Variants in ARHGAP15 observed in about 807,000 individuals in gnomAD.
ARHGAP15 encodes Rho GTPase activating protein 15, also known as rho GTPase-activating protein 15.
A neutral mutation model predicts 63.7 loss-of-function variants in ARHGAP15; 51 were observed. The observed-to-expected ratio is 0.80, with a 90% CI of 0.64 to 1.01. ARHGAP15 has a LOEUF of 1.01. Ranked by LOEUF, ARHGAP15 falls within the 50% of genes least tolerant of loss-of-function variation. The pLI is 0.00. For synonymous variants in ARHGAP15, 191 were observed against 193.8 expected (o/e 0.99, Z 0.12); for missense variants, 560 against 564.6 (o/e 0.99, Z 0.08).
chr2:143,348,283 C>A (rs1685389905), intron 6 of ARHGAP15, among the ~76,000 whole-genome samples: 1 of 152,126 alleles, frequency 6.6e-6, no homozygotes. Context: ...ATAGTTAATT[C>A]ATGCAGAGTA....
intron 6 of ARHGAP15, among the ~76,000 whole-genome samples, chr2:143,305,085 A>G (rs1227722376): frequency 6.6e-6 from 1 of 152,124 alleles, no homozygotes; most frequent in Non-Finnish European, 1.5e-5. Context: ...CCCAAATGCC[A>G]TCAATGATAG....
intron 6 of ARHGAP15, among the ~76,000 whole-genome samples, chr2:143,307,077 C>T (rs992645947): frequency 2.0e-5 from 3 of 152,020 alleles, no homozygotes; most frequent in South Asian, 2.1e-4. Flanking sequence ...GTCCCAAGTC[C>T]CATACACTTT....
At chr2:143,700,345 G>C (rs1684030072) in intron 12 of ARHGAP15, among the ~76,000 whole-genome samples, 1 of 152,108 alleles carries the variant, frequency 6.6e-6, no homozygotes, top group Admixed American at 6.6e-5. Flanking sequence ...ACCCTGACTG[G>C]ATCATGTTCC....
chr2:143,218,155 T>C (rs1692831472), intron 4 of ARHGAP15, among the ~76,000 whole-genome samples: 1 of 152,208 alleles, frequency 6.6e-6, no homozygotes, highest in African/African-American at 2.4e-5. Context: ...TACTTTCCTG[T>C]TTTCCGTGTT....
chr2:143,338,128 A>G (rs1684889700), intron 6 of ARHGAP15, among the ~76,000 whole-genome samples: 1 of 152,160 alleles, frequency 6.6e-6, no homozygotes, highest in Admixed American at 6.5e-5. Flanking sequence ...TAGGAGTGCT[A>G]TTATTATTCT....
intron 2 of ARHGAP15, among the ~76,000 whole-genome samples, chr2:143,173,477 T>C (rs1385389968): frequency 6.6e-6 from 1 of 151,964 alleles, no homozygotes; most frequent in East Asian, 1.9e-4. Flanking sequence ...CATTGCAACA[T>C]CAGAAAGGAT....
Position 143,153,827 on chromosome 2 carries a change from CT to C in ARHGAP15, c.-14-1648del, listed in dbSNP as rs1558779338. On this transcript the variant is annotated intron_variant, in intron 1 of 13. Coordinates refer to ENST00000295095, the MANE Select transcript of ARHGAP15 (RefSeq NM_018460.4). ...TCTTCTTCTTCTTCTTCTTCTTCTT[CT>C]TCTTCTTCTTCTTCTTCCTCCTCCT... Among the ~76,000 whole-genome samples the C allele has an allele frequency of 4.2e-3, 379 of 90,266 alleles. 6 individuals carry two copies. The highest frequency in any genetic ancestry group is 0.019 in the East Asian group (52 of 2,746). 59.2% of individuals were successfully genotyped at this position (90,266 alleles called of 152,430 possible).
chr2:143,528,777 G>A (rs993019000), intron 10 of ARHGAP15, among the ~76,000 whole-genome samples: 16 of 152,202 alleles, frequency 1.1e-4, no homozygotes, highest in Middle Eastern at 3.4e-3. Flanking sequence ...CTAACAGATG[G>A]TATTGTCACG....
At chr2:143,480,198 A>G (rs2105211410) in intron 8 of ARHGAP15, among the ~76,000 whole-genome samples, 1 of 152,322 alleles carries the variant, frequency 6.6e-6, no homozygotes, top group Non-Finnish European at 1.5e-5. Flanking sequence ...ATCATAGACA[A>G]ATGCATTAGA....
chr2:143,402,994 C>T (rs992892059), intron 6 of ARHGAP15, among the ~76,000 whole-genome samples: 28 of 151,674 alleles, frequency 1.8e-4, no homozygotes, highest in Admixed American at 6.6e-5. Flanking sequence ...AACCTAGTTT[C>T]TCAAAGATTT....
At chr2:143,258,199 G>C (rs1680520345) in intron 6 of ARHGAP15, among the ~76,000 whole-genome samples, 1 of 151,980 alleles carries the variant, frequency 6.6e-6, no homozygotes, top group Non-Finnish European at 1.5e-5. Flanking sequence ...ACGCTATTCA[G>C]TTTTTAGAAA....
At chr2:143,575,341 A>G (rs933527288) in intron 11 of ARHGAP15, among the ~76,000 whole-genome samples, 1 of 152,192 alleles carries the variant, frequency 6.6e-6, no homozygotes, top group South Asian at 2.1e-4. Flanking sequence ...CATTTCAACT[A>G]GACAGAGCTG....
chr2:143,663,912 C>A (rs1681989994), intron 12 of ARHGAP15, among the ~76,000 whole-genome samples: 1 of 152,112 alleles, frequency 6.6e-6, no homozygotes, highest in African/African-American at 2.4e-5. Context: ...ATTCATAAAG[C>A]AAGTCCTGAG....
chr2:143,737,758 ATTTAT>A (rs1013817168), intron 13 of ARHGAP15, among the ~76,000 whole-genome samples: 2 of 137,128 alleles, frequency 1.5e-5, no homozygotes, highest in Admixed American at 7.3e-5. Flanking sequence ...TTATTTATTT[ATTTAT>A]TTATTTTTTG....
At chr2:143,387,789 C>CAGT (rs1235911920) in intron 6 of ARHGAP15, among the ~76,000 whole-genome samples, 1 of 152,048 alleles carries the variant, frequency 6.6e-6, no homozygotes, top group African/African-American at 2.4e-5. Flanking sequence ...GAACCCTTGT[C>CAGT]AGTACCCTTA....
intron 2 of ARHGAP15, among the ~76,000 whole-genome samples, chr2:143,165,996 A>AAGAAAGAAAGAAAGAAAGAG (rs1690499976): frequency 1.0e-5 from 1 of 99,070 alleles, no homozygotes; most frequent in Non-Finnish European, 2.4e-5. Flanking sequence ...GAAAGAAAGA[A>AAGAAAGAAAGAAAGAAAGAG]AGAAAGAAGG....
intron 6 of ARHGAP15, among the ~76,000 whole-genome samples, chr2:143,346,584 G>T (rs1446652845): frequency 6.6e-6 from 1 of 152,080 alleles, no homozygotes; most frequent in Non-Finnish European, 1.5e-5. Flanking sequence ...ACTGAAACAA[G>T]TCAGTCGGCA....
intron 6 of ARHGAP15, among the ~76,000 whole-genome samples, chr2:143,254,743 A>T (rs1680332129): frequency 6.6e-6 from 1 of 152,130 alleles, no homozygotes; most frequent in African/African-American, 2.4e-5. Flanking sequence ...AATACATAGA[A>T]ACTATATCCC....
intron 13 of ARHGAP15, among the ~76,000 whole-genome samples, chr2:143,716,682 A>T (rs1307080332): frequency 6.6e-6 from 1 of 152,214 alleles, no homozygotes; most frequent in Non-Finnish European, 1.5e-5. Context: ...AGCAGACCTC[A>T]AGTCACCTGA....
Sources: gnomAD v4.1 joint callset for allele counts (sites outside exome capture counted in the v4.1 genomes callset) on GRCh38, gnomAD v4.1.1 for gene constraint, MANE v1.5 for transcripts, NCBI Gene and HGNC (gene_info 2026-07-23, HGNC 2026-07-21) for gene names.